CAPN5: variants seen among roughly 807,000 people sequenced by gnomAD.
The protein encoded by CAPN5 is calpain-5.
In CAPN5, 54 loss-of-function variants were observed where a neutral mutation model predicts 73.0. The ratio of observed to expected loss-of-function variants is 0.74; its 90% CI spans 0.59 to 0.93. CAPN5 has a LOEUF of 0.93. CAPN5 is among the 40% of genes least tolerant of loss of function. The probability of loss-of-function intolerance (pLI) is 0.00; values close to 1 mark genes in which losing one functional copy is unlikely to be tolerated. For synonymous variants in CAPN5, 335 were observed against 356.9 expected (o/e 0.94, Z 0.69); for missense variants, 785 against 882.9 (o/e 0.89, Z 1.41).
intron 7 of CAPN5, among the ~76,000 whole-genome samples, 172 bp from the exon 8 acceptor site, chr11:77,117,985 G>C (rs368935497): frequency 6.6e-6 from 1 of 152,206 alleles, no homozygotes; most frequent in African/African-American, 2.4e-5. Flanking sequence ...GAGAGGTTAA[G>C]GGTCTGTGCA....
chr11:77,121,109 G>T (rs922848756), intron 10 of CAPN5, among the ~76,000 whole-genome samples, 200 bp downstream of exon 10: 2 of 152,244 alleles, frequency 1.3e-5, no homozygotes, highest in Admixed American at 6.5e-5. Flanking sequence ...ACAGCTTCTT[G>T]TATGTGCACT....
intron 1 of CAPN5, among the ~76,000 whole-genome samples, chr11:77,081,084 C>T (rs886114049): frequency 6.6e-6 from 1 of 152,162 alleles, no homozygotes; most frequent in Non-Finnish European, 1.5e-5. Context: ...AGATGATGGC[C>T]AGCTAAGCCA....
Position 77,124,263 on chromosome 11 carries a change from A to C in CAPN5, c.*393A>C, listed in dbSNP as rs1950551897. On this transcript the variant is annotated 3_prime_UTR_variant, in exon 13 of 13. Transcript: ENST00000648180. ...GCCCCTCGTGTCCTAGGCCCAACCC[A>C]GCCTCCCAGACCTCACTTTCCCCAT... The C allele has an allele frequency of 5.2e-6, 1 of 192,228 alleles. No homozygotes were observed. Among genetic ancestry groups the C allele is most frequent in the East Asian group, 1.4e-4 (1 of 7,048 alleles). The allele number at this position is 192,228 out of a possible 1,614,324, so 11.9% of individuals were successfully genotyped here.
At chr11:77,067,286 G>T (rs1296059473) in intron 1 of CAPN5, among the ~76,000 whole-genome samples, 192 bp downstream of exon 1, 1 of 152,030 alleles carries the variant, frequency 6.6e-6, no homozygotes, top group Non-Finnish European at 1.5e-5. Context: ...TGGAGCATCC[G>T]CCTGGGCCCC....
rs983206704 is a variant in CAPN5, at chr11:77,124,232, G to A, written c.*362G>A. 13 of 222,340 alleles carry A rather than the reference G, an allele frequency of 5.8e-5. No individual in the cohort carries two copies. The highest frequency in any genetic ancestry group is 1.6e-3 in the Middle Eastern group (1 of 644). The allele number at this position is 222,340 out of a possible 1,614,324, so 13.8% of individuals were successfully genotyped here. ...ACGAACTGCCACATCCCCAAGCTCCGTTCTTGCCCCTCGTGTCCTAGGCCC... is the reference window on the plus strand; with the variant it reads ...ACGAACTGCCACATCCCCAAGCTCCATTCTTGCCCCTCGTGTCCTAGGCCC... On this transcript the variant is annotated 3_prime_UTR_variant, in exon 13 of 13. Transcript: ENST00000648180.
At chr11:77,107,678 G>T (rs374534020) in intron 3 of CAPN5, among the ~76,000 whole-genome samples, 2 of 152,192 alleles carry the variant, frequency 1.3e-5, no homozygotes, top group Admixed American at 6.5e-5. Flanking sequence ...GGCCCATTCT[G>T]CCGTGGGTGG....
chr11:77,116,450 C>T (rs533231666), intron 7 of CAPN5, 147 bp downstream of exon 7: 6 of 680,304 alleles, frequency 8.8e-6, no homozygotes, highest in African/African-American at 7.1e-5. Flanking sequence ...GTCACACCAT[C>T]TCAGAGCCTG....
At chr11:77,080,199 C>T (rs1555034426) in intron 1 of CAPN5, among the ~76,000 whole-genome samples, 2 of 152,124 alleles carry the variant, frequency 1.3e-5, no homozygotes, top group African/African-American at 4.8e-5. Context: ...TATTCTGTTC[C>T]ACTGTTCTAT....
intron 12 of CAPN5, 26 bp downstream of exon 12, chr11:77,122,738 C>T (rs782631015): frequency 3.5e-5 from 56 of 1,611,272 alleles, no homozygotes; most frequent in Non-Finnish European, 4.6e-5. Flanking sequence ...CAGAGGCCAC[C>T]TCCTGGGCTC....
intron 3 of CAPN5, among the ~76,000 whole-genome samples, chr11:77,111,872 A>G (rs1378917972): frequency 1.3e-5 from 2 of 152,108 alleles, no homozygotes; most frequent in Admixed American, 1.3e-4. Flanking sequence ...AAGAGGATGG[A>G]CACTAAAGGA....
chr11:77,096,696 G>A (rs1429862556), intron 3 of CAPN5, among the ~76,000 whole-genome samples: 1 of 152,272 alleles, frequency 6.6e-6, no homozygotes, highest in Admixed American at 6.5e-5. Context: ...CCTAAGCCAA[G>A]ATCTGCTGTG....
chr11:77,117,067 A>T (rs1315687305), intron 7 of CAPN5, among the ~76,000 whole-genome samples: 1 of 151,998 alleles, frequency 6.6e-6, no homozygotes, highest in Non-Finnish European at 1.5e-5. Flanking sequence ...GTGGGACCCC[A>T]TCTCTACAAA....
In CAPN5 at chr11:77,118,321, A is replaced by G. The variant is rs1262188250; in HGVS notation, c.1136A>G (p.Asn379Ser). The G allele has an allele frequency of 6.2e-7, 1 of 1,603,492 alleles. No homozygotes were observed. Among genetic ancestry groups the G allele is most frequent in the Non-Finnish European group, 8.5e-7 (1 of 1,174,644 alleles). Residue 379 changes from asparagine to serine, a missense_variant, in exon 8 of 13, where the codon AAC (asparagine) becomes AGC (serine). Asn to Ser is a conservative substitution (Grantham distance 46). Transcript: ENST00000648180. Reference sequence around the variant, plus strand: ...CAGAACCGCGGTGGCGGCTGCATCAACCACAAGGACACCTTCTTCCAGAAC... The same window carrying G: ...CAGAACCGCGGTGGCGGCTGCATCAGCCACAAGGACACCTTCTTCCAGAAC... ...PRQNRGGGCI[N>S]HKDTFFQNPQ... is the part of the protein sequence containing the mutation.
intron 2 of CAPN5, among the ~76,000 whole-genome samples, chr11:77,086,861 T>C (rs1212424241): frequency 6.6e-6 from 1 of 152,162 alleles, no homozygotes; most frequent in South Asian, 2.1e-4. Flanking sequence ...AGACGCCAGG[T>C]TGGCCCGCTT....
chr11:77,098,435 TC>T (rs1950240002), intron 3 of CAPN5, among the ~76,000 whole-genome samples: 1 of 93,316 alleles, frequency 1.1e-5, no homozygotes, highest in African/African-American at 4.6e-5. Context: ...GCTCCTCACT[TC>T]CCAGTAGGGG....
intron 5 of CAPN5, among the ~76,000 whole-genome samples, chr11:77,115,067 A>C (rs1252809276): frequency 6.6e-6 from 1 of 152,158 alleles, no homozygotes; most frequent in African/African-American, 2.4e-5. Flanking sequence ...CCATCCAAAA[A>C]AAAAACAAAA....
intron 7 of CAPN5, 28 bp downstream of exon 7, chr11:77,116,331 G>A (rs541907176): frequency 2.7e-5 from 43 of 1,571,976 alleles, no homozygotes; most frequent in South Asian, 6.8e-5. Context: ...CTGGGCGTCC[G>A]GGGCTGAGGG....
At chr11:77,112,379 G>C (rs1443682215) in intron 3 of CAPN5, among the ~76,000 whole-genome samples, 3 of 152,158 alleles carry the variant, frequency 2.0e-5, no homozygotes, top group African/African-American at 7.2e-5. Context: ...AGGAGGCCGA[G>C]GGAGCCTCCA....
At chr11:77,073,352 A>T (rs1241096838) in intron 1 of CAPN5, among the ~76,000 whole-genome samples, 1 of 152,136 alleles carries the variant, frequency 6.6e-6, no homozygotes, top group Non-Finnish European at 1.5e-5. Context: ...ACCCTTTCAG[A>T]AGCTCCTCTC....
Sources: gnomAD v4.1 joint callset for allele counts (sites outside exome capture counted in the v4.1 genomes callset) on GRCh38, gnomAD v4.1.1 for gene constraint, MANE v1.5 for transcripts, NCBI Gene and HGNC (gene_info 2026-07-23, HGNC 2026-07-21) for gene names.